The following IMMP2L variants were observed in gnomAD, a reference collection of about 807,000 sequenced individuals.
IMMP2L encodes the protein mitochondrial inner membrane protease subunit 2.
IMMP2L carries 18 observed loss-of-function variants against 19.3 expected under a neutral mutation model. That is an observed-to-expected ratio of 0.93 (90% CI 0.64 to 1.38). The LOEUF (loss-of-function observed/expected upper bound fraction) is 1.38. Among genes scored for constraint, IMMP2L ranks in the 40% most tolerant of loss-of-function variants. The pLI is 0.00. For synonymous variants in IMMP2L, 76 were observed against 73.0 expected (o/e 1.04, Z -0.21); for missense variants, 233 against 218.2 (o/e 1.07, Z -0.43).
intron 1 of IMMP2L, among the ~76,000 whole-genome samples, chr7:111,527,845 G>A (rs1847028073): frequency 6.6e-6 from 1 of 151,348 alleles, no homozygotes; most frequent in African/African-American, 2.4e-5. Flanking sequence ...GCATGTGGGA[G>A]ATGTCTCAAT....
intron 4 of IMMP2L, among the ~76,000 whole-genome samples, chr7:110,952,123 G>C (rs1817890275): frequency 6.6e-6 from 1 of 152,034 alleles, no homozygotes; most frequent in Non-Finnish European, 1.5e-5. Context: ...ATACTTGACA[G>C]ACTTACATTA....
intron 3 of IMMP2L, among the ~76,000 whole-genome samples, chr7:111,340,601 C>A (rs188381908): frequency 5.7e-4 from 87 of 152,098 alleles, no homozygotes; most frequent in African/African-American, 1.9e-3. Flanking sequence ...AGGAAGTCCA[C>A]TCCTAGATTT....
chr7:111,384,646 T>C (rs1831560226), intron 3 of IMMP2L, among the ~76,000 whole-genome samples: 1 of 152,082 alleles, frequency 6.6e-6, no homozygotes, highest in Admixed American at 6.6e-5. Flanking sequence ...ACTGCTCCAT[T>C]TGGCCTCTAG....
Position 110,943,939 on chromosome 7 carries a change from T to C in IMMP2L, c.305+19561A>G, listed in dbSNP as rs1023038474. Among the ~76,000 whole-genome samples the C allele has an allele frequency of 6.2e-4, 94 of 152,028 alleles. 1 individual carries two copies. Among genetic ancestry groups the C allele is most frequent in the African/African-American group, 2.2e-3 (93 of 41,462 alleles). ...CCTTCAGCAACATGAAAAACTAATG[T>C]TCAGCAAATTAGAGAGTTTACATTT... is the stretch of plus-strand genomic sequence containing the variant. On this transcript the variant is annotated intron_variant, in intron 4 of 5. Transcript: ENST00000405709.
chr7:111,464,192 G>A (rs1239812849), intron 3 of IMMP2L, among the ~76,000 whole-genome samples: 2 of 152,088 alleles, frequency 1.3e-5, no homozygotes, highest in East Asian at 3.9e-4. Flanking sequence ...TACAAGGCCA[G>A]GATTACAGGT....
chr7:110,840,302 T>C (rs1011297081), intron 5 of IMMP2L, among the ~76,000 whole-genome samples: 1 of 152,142 alleles, frequency 6.6e-6, no homozygotes, highest in Non-Finnish European at 1.5e-5. Context: ...TTGTAAATAG[T>C]TTCCTATCTA....
chr7:111,526,427 T>C (rs1295312537), intron 1 of IMMP2L, among the ~76,000 whole-genome samples: 1 of 152,190 alleles, frequency 6.6e-6, no homozygotes, highest in East Asian at 1.9e-4. Context: ...TTCTATATGC[T>C]AGGAATGGAG....
At chr7:111,216,380 T>C (rs1811922585) in intron 3 of IMMP2L, among the ~76,000 whole-genome samples, 1 of 152,194 alleles carries the variant, frequency 6.6e-6, no homozygotes, top group South Asian at 2.1e-4. Flanking sequence ...CTTTGAATTT[T>C]AGTTTTGGAA....
rs1292732377 is a variant in IMMP2L at position 110,897,466 on chromosome 7, T to C, written c.306-10771A>G. ...CTGAAACATATTGCTGGCATAGGTA[T>C]AGGAAACATGTACACTCACGTTGCT... On this transcript the variant is annotated intron_variant, in intron 4 of 5. Transcript: ENST00000405709. Among the ~76,000 whole-genome samples the C allele has an allele frequency of 6.6e-5, 10 of 152,144 alleles. 1 individual carries two copies. The highest frequency in any genetic ancestry group is 6.5e-4 in the Admixed American group (10 of 15,270).
At chr7:110,678,037 C>T (rs1366727839) in intron 5 of IMMP2L, among the ~76,000 whole-genome samples, 1 of 152,152 alleles carries the variant, frequency 6.6e-6, no homozygotes, top group African/African-American at 2.4e-5. Context: ...AGTAATGGCC[C>T]TTGCACCTAG....
intron 5 of IMMP2L, among the ~76,000 whole-genome samples, chr7:110,722,670 T>C (rs1432869761): frequency 6.6e-6 from 1 of 152,130 alleles, no homozygotes; most frequent in Admixed American, 6.6e-5. Flanking sequence ...GTAAATGTTA[T>C]TACGAGTTTA....
chr7:110,834,470 G>A (rs1343478990), intron 5 of IMMP2L, among the ~76,000 whole-genome samples: 1 of 151,962 alleles, frequency 6.6e-6, no homozygotes, highest in Non-Finnish European at 1.5e-5. Flanking sequence ...CAGTGTTCTA[G>A]CAATTCATCA....
At chr7:110,755,538 A>G in intron 5 of IMMP2L, among the ~76,000 whole-genome samples, 1 of 152,122 alleles carries the variant, frequency 6.6e-6, no homozygotes, top group East Asian at 1.9e-4. Context: ...TAGAGCACCT[A>G]ATGTGTGCTG....
chr7:111,535,694 A>C (rs922492089), intron 1 of IMMP2L, among the ~76,000 whole-genome samples: 2 of 152,116 alleles, frequency 1.3e-5, no homozygotes, highest in African/African-American at 4.8e-5. Context: ...GGGGAATGCA[A>C]ACAGTGAGAG....
chr7:111,432,332 A>G (rs1452061925), intron 3 of IMMP2L, among the ~76,000 whole-genome samples: 1 of 151,814 alleles, frequency 6.6e-6, no homozygotes, highest in African/African-American at 2.4e-5. Context: ...TCCTTAAACA[A>G]ATGGTGTCAG....
chr7:111,521,326 CCTT>C lies in IMMP2L; in HGVS notation c.119_121del (p.Glu40del). The C allele has an allele frequency of 1.9e-6, 3 of 1,612,786 alleles. No individual in the cohort carries two copies. The highest frequency in any genetic ancestry group is 1.1e-5 in the South Asian group (1 of 90,978). Reference sequence around the variant, plus strand: ...TATCATTTTCACCTGCATCGATGCTCCTTCTACTCTTGCCACACAGGCGACCCG... The same window carrying C: ...TATCATTTTCACCTGCATCGATGCTCCTACTCTTGCCACACAGGCGACCCG... On this transcript the variant is annotated inframe_deletion, in exon 2 of 6. Transcript: ENST00000405709.
chr7:111,366,144 C>A (rs1329318588), intron 3 of IMMP2L, among the ~76,000 whole-genome samples: 1 of 151,762 alleles, frequency 6.6e-6, no homozygotes, highest in East Asian at 1.9e-4. Flanking sequence ...TCATTAATAG[C>A]AAGGGGATAA....
chr7:111,498,013 T>C (rs145161036), intron 2 of IMMP2L, among the ~76,000 whole-genome samples: 1 of 152,080 alleles, frequency 6.6e-6, no homozygotes, highest in Admixed American at 6.6e-5. Context: ...TGCTTTTATA[T>C]TAATGTAAGC....
intron 3 of IMMP2L, among the ~76,000 whole-genome samples, chr7:111,454,290 C>T (rs1328498356): frequency 6.6e-6 from 1 of 152,062 alleles, no homozygotes; most frequent in African/African-American, 2.4e-5. Flanking sequence ...GGCCACCACA[C>T]GTGGCTCATC....
Sources: gnomAD v4.1 joint callset for allele counts (sites outside exome capture counted in the v4.1 genomes callset) on GRCh38, gnomAD v4.1.1 for gene constraint, MANE v1.5 for transcripts, NCBI Gene and HGNC (gene_info 2026-07-23, HGNC 2026-07-21) for gene names.